The following ALX4 variants were observed in gnomAD, a reference collection of about 807,000 sequenced individuals.
The protein encoded by ALX4 is ALX homeobox 4.
In ALX4, 22 loss-of-function variants were observed where a neutral mutation model predicts 40.6. The observed-to-expected ratio is 0.54, with a 90% CI of 0.39 to 0.77. The LOEUF is 0.77. Among genes scored for constraint, ALX4 ranks in the 30% least tolerant of loss-of-function variants. The probability of loss-of-function intolerance (pLI) is 0.00; values close to 1 mark genes in which losing one functional copy is unlikely to be tolerated. For synonymous variants in ALX4, 266 were observed against 240.5 expected (o/e 1.11, Z -0.98); for missense variants, 556 against 564.8 (o/e 0.98, Z 0.16).
chr11:44,283,703 A>G (rs907960055), intron 1 of ALX4, among the ~76,000 whole-genome samples: 2 of 152,140 alleles, frequency 1.3e-5, no homozygotes, highest in African/African-American at 4.8e-5. Context: ...AGCCAGGACT[A>G]CAGGCATGGG....
At chr11:44,285,628 A>G (rs958305014) in intron 1 of ALX4, among the ~76,000 whole-genome samples, 7 of 151,894 alleles carry the variant, frequency 4.6e-5, no homozygotes, top group Non-Finnish European at 7.4e-5. Context: ...AATGGTCATT[A>G]TAGTGTTTTT....
intron 1 of ALX4, among the ~76,000 whole-genome samples, chr11:44,287,740 G>A (rs554428666): frequency 1.3e-5 from 2 of 152,300 alleles, no homozygotes; most frequent in South Asian, 4.1e-4. Flanking sequence ...ACAGGAGACA[G>A]GGTCAAGGAG....
intron 3 of ALX4, 76 bp from the exon 4 acceptor site, chr11:44,265,259 G>T: frequency 7.5e-7 from 1 of 1,333,786 alleles, no homozygotes; most frequent in South Asian, 1.5e-5. Flanking sequence ...TTCCCCCAGA[G>T]CACCTCTCCC....
chr11:44,275,290 A>G (rs1956270986), intron 2 of ALX4, 58 bp downstream of exon 2: 2 of 1,583,794 alleles, frequency 1.3e-6, no homozygotes, highest in Admixed American at 1.7e-5. Context: ...AACTGCAGCC[A>G]AGAGCCCAGG....
At chr11:44,308,464 G>C (rs772582271) in intron 1 of ALX4, among the ~76,000 whole-genome samples, 6 of 152,340 alleles carry the variant, frequency 3.9e-5, no homozygotes, top group Non-Finnish European at 8.8e-5. Flanking sequence ...CGGACCTGAA[G>C]GCCAAGGCCT....
At chr11:44,276,947 T>C (rs149898886) in intron 1 of ALX4, among the ~76,000 whole-genome samples, 1,540 of 152,170 alleles carry the variant, frequency 0.01, 9 homozygotes, top group Non-Finnish European at 0.015. Context: ...AGGCCATGGA[T>C]CGGTACTGGT....
At chr11:44,280,944 T>C (rs1264484311) in intron 1 of ALX4, among the ~76,000 whole-genome samples, 2 of 152,230 alleles carry the variant, frequency 1.3e-5, no homozygotes, top group South Asian at 2.1e-4. Context: ...CCCCTGGCTG[T>C]TGGATTTCAG....
At chr11:44,270,578 G>T (rs1283172860) in intron 2 of ALX4, among the ~76,000 whole-genome samples, 8 of 152,066 alleles carry the variant, frequency 5.3e-5, no homozygotes, top group African/African-American at 1.9e-4. Context: ...GAGGCTTGGA[G>T]TGTCCATCCA....
chr11:44,293,299 C>G (rs927543380), intron 1 of ALX4, among the ~76,000 whole-genome samples: 2 of 151,990 alleles, frequency 1.3e-5, no homozygotes, highest in Admixed American at 1.3e-4. Flanking sequence ...CATGATGTGG[C>G]CAGGTGCAGT....
At chr11:44,296,495 G>T (rs1257969026) in intron 1 of ALX4, among the ~76,000 whole-genome samples, 1 of 152,106 alleles carries the variant, frequency 6.6e-6, no homozygotes, top group Non-Finnish European at 1.5e-5. Context: ...GTGCATCAAA[G>T]GACAGTATCC....
chr11:44,288,532 A>G (rs1341253975), intron 1 of ALX4, among the ~76,000 whole-genome samples: 1 of 151,824 alleles, frequency 6.6e-6, no homozygotes, highest in Non-Finnish European at 1.5e-5. Flanking sequence ...TTACCTGGCA[A>G]CCTCCCCGCC....
intron 2 of ALX4, among the ~76,000 whole-genome samples, chr11:44,271,380 G>C (rs2135310382): frequency 6.6e-6 from 1 of 152,340 alleles, no homozygotes; most frequent in East Asian, 1.9e-4. Context: ...TTCAGGTTAT[G>C]ACTTCCCACC....
In ALX4 at chr11:44,263,805, C is replaced by T. The variant is rs190383779; in HGVS notation, c.*1049G>A. 16 of 152,486 alleles carry T rather than the reference C, an allele frequency of 1.0e-4. No individual in the cohort carries two copies. The highest frequency in any genetic ancestry group is 3.4e-4 in the African/African-American group (14 of 41,600). The allele number at this position is 152,486 out of a possible 1,614,324, so 9.4% of individuals were successfully genotyped here. ...CCCCCAAGCTCTAGCTTATGTGTTC[C>T]GAAGTTGTGAGTCCTTCCATGCCGG... On this transcript the variant is annotated 3_prime_UTR_variant, in exon 4 of 4. Coordinates refer to ENST00000652299, the MANE Select transcript of ALX4 (RefSeq NM_021926.4).
At chr11:44,265,590 G>A (rs896931416) in intron 3 of ALX4, among the ~76,000 whole-genome samples, 1 of 152,158 alleles carries the variant, frequency 6.6e-6, no homozygotes, top group Admixed American at 6.5e-5. Flanking sequence ...CCTGAGCAAG[G>A]TGAGCAGACC....
At chr11:44,292,781 A>G (rs1460138559) in intron 1 of ALX4, among the ~76,000 whole-genome samples, 1 of 152,130 alleles carries the variant, frequency 6.6e-6, no homozygotes, top group Non-Finnish European at 1.5e-5. Flanking sequence ...TTCAGCATTC[A>G]CAATTAACAT....
chr11:44,269,442 G>A (rs1956232373), intron 2 of ALX4, among the ~76,000 whole-genome samples: 1 of 152,208 alleles, frequency 6.6e-6, no homozygotes, highest in African/African-American at 2.4e-5. Flanking sequence ...GGGTGAGCAG[G>A]GGTGTACATT....
At chr11:44,278,011 G>GTTTT (rs34077997) in intron 1 of ALX4, among the ~76,000 whole-genome samples, 1 of 141,892 alleles carries the variant, frequency 7.0e-6, no homozygotes, top group African/African-American at 2.6e-5. Context: ...TATGTTTTAG[G>GTTTT]TTTTTTTTTT....
rs180883157 is a variant in ALX4, at chr11:44,280,464, G to A, written c.467-4806C>T. 1.4e-4 allele frequency among the ~76,000 whole-genome samples: 22 copies of A among 152,324 alleles called. No homozygotes were observed. In the East Asian group the frequency reaches 3.9e-3, roughly 27 times the overall value. On this transcript the variant is annotated intron_variant, in intron 1 of 3. Transcript: ENST00000652299. ...AGGCTGAGCAGCAACAGCGCCCAGC[G>A]TGGGTCCAGGCCACCCGCCAGGGGT...
chr11:44,283,247 C>CAAAAAAAA (rs35704210), intron 1 of ALX4, among the ~76,000 whole-genome samples: 1 of 100,172 alleles, frequency 1.0e-5, no homozygotes, highest in Non-Finnish European at 2.0e-5. Flanking sequence ...AACTCCATCT[C>CAAAAAAAA]AAAAAAAAAA....
Sources: gnomAD v4.1 joint callset for allele counts (sites outside exome capture counted in the v4.1 genomes callset) on GRCh38, gnomAD v4.1.1 for gene constraint, MANE v1.5 for transcripts, NCBI Gene and HGNC (gene_info 2026-07-23, HGNC 2026-07-21) for gene names.